Variants in BIRC6 observed in about 807,000 individuals in gnomAD.
BIRC6 encodes the protein baculoviral IAP repeat containing 6.
BIRC6 carries 98 observed loss-of-function variants against 503.3 expected under a neutral mutation model. The observed-to-expected ratio is 0.19, with a 90% CI of 0.17 to 0.23. The LOEUF (loss-of-function observed/expected upper bound fraction) is 0.23, where lower values mean the gene tolerates loss of function less well. Ranked by LOEUF, BIRC6 falls within the 10% of genes least tolerant of loss-of-function variation. The pLI, the probability that BIRC6 is intolerant of heterozygous loss-of-function variation, is 1.00. For missense variants in BIRC6, 5,360 were observed against 5,806.0 expected, an observed-to-expected ratio of 0.92 and a Z score of 2.50; for synonymous variants, 2,240 against 2,078.7, an observed-to-expected ratio of 1.08 and a Z score of -2.11.
chr2:32,433,711 T>A lies in BIRC6; in HGVS notation c.3316T>A (p.Phe1106Ile). The A allele has an allele frequency of 6.2e-7, 1 of 1,606,514 alleles. No homozygotes were observed. The highest frequency in any genetic ancestry group is 8.5e-7 in the Non-Finnish European group (1 of 1,174,604). ...PKACMVGHVD[F>I]KFVLNSNITN... ...AGCTTGTATGGTTGGACATGTGGAC[T>A]TCAAATTCGTTTTGAACTCAAACAT... Residue 1106 changes from phenylalanine to isoleucine, a missense_variant, in exon 13 of 74, where the codon TTC becomes ATC. Phe to Ile is a conservative substitution (Grantham distance 21). Around this residue, in one of 16 missense-constraint regions of BIRC6, gnomAD observed 2,299 missense variants for 2,267.2 expected, o/e 1.01. Transcript: ENST00000421745.
chr2:32,611,629 T>G (rs778907126), intron 73 of BIRC6, 47 bp downstream of exon 73: 3 of 1,479,962 alleles, frequency 2.0e-6, no homozygotes, highest in Non-Finnish European at 2.7e-6. Flanking sequence ...AAGAGTTGTG[T>G]AATTATTGAC....
chr2:32,549,844 A>G (rs2058313106), intron 65 of BIRC6, among the ~76,000 whole-genome samples: 1 of 152,232 alleles, frequency 6.6e-6, no homozygotes. Context: ...GTCAAACACT[A>G]TCGCAGACAA....
chr2:32,413,010 C>CT (rs377340755), intron 9 of BIRC6, among the ~76,000 whole-genome samples: 5,502 of 141,438 alleles, frequency 0.039, 105 homozygotes, highest in Middle Eastern at 0.067. Context: ...ATTGAAAAGA[C>CT]TTTTTTTTTT....
At chr2:32,409,634 T>C (rs556346886) in intron 9 of BIRC6, among the ~76,000 whole-genome samples, 121 of 152,212 alleles carry the variant, frequency 7.9e-4, no homozygotes, top group South Asian at 2.1e-3. Context: ...GAGAAGAATG[T>C]TTGGTAGGAA....
intron 12 of BIRC6, among the ~76,000 whole-genome samples, chr2:32,433,062 A>T (rs1252087108): frequency 1.3e-5 from 2 of 152,182 alleles, no homozygotes; most frequent in Non-Finnish European, 2.9e-5. Flanking sequence ...TGTATTGAAC[A>T]TATTGTGTGA....
chr2:32,507,900 C>T (rs1026331269), intron 50 of BIRC6, 80 bp from the exon 51 acceptor site: 2 of 1,319,068 alleles, frequency 1.5e-6, no homozygotes, highest in Non-Finnish European at 2.0e-6. Context: ...GTGAAAGCTG[C>T]TATTTTACTG....
rs748687525 is a variant in BIRC6, at chr2:32,468,141, T to C, written c.5780+30T>C. Reference sequence around the variant, plus strand: ...GTACAGAGTGCAAATTTTAATGTTATTGAAACTTTGTATTTTATATAATGT... The same window carrying C: ...GTACAGAGTGCAAATTTTAATGTTACTGAAACTTTGTATTTTATATAATGT... On this transcript the variant is annotated intron_variant, in intron 28 of 73. Coordinates refer to ENST00000421745, the MANE Select transcript of BIRC6 (RefSeq NM_016252.4). The C allele has an allele frequency of 2.5e-6, 4 of 1,585,654 alleles. No homozygotes were observed. In the South Asian group the frequency reaches 4.5e-5, roughly 18 times the overall value.
chr2:32,487,516 T>C (rs568373653), intron 40 of BIRC6, 131 bp from the exon 41 acceptor site: 69 of 682,590 alleles, frequency 1.0e-4, no homozygotes, highest in Non-Finnish European at 1.4e-4. Context: ...TACTAAATAT[T>C]GTTTTGAACC....
At chr2:32,379,095 A>G (rs1361409340) in intron 2 of BIRC6, 1 of 152,178 alleles carries the variant, frequency 6.6e-6, no homozygotes, top group African/African-American at 2.4e-5. Context: ...GTGTCATATA[A>G]CAGTAGTCTA....
chr2:32,484,632 C>T lies in BIRC6; in HGVS notation c.7697-1011C>T, dbSNP rs189813533. Among the ~76,000 whole-genome samples the T allele has an allele frequency of 2.5e-3, 372 of 151,790 alleles. 1 individual carries two copies. Among genetic ancestry groups the T allele is most frequent in the South Asian group, 0.017 (83 of 4,798 alleles). On this transcript the variant is annotated intron_variant, in intron 39 of 73. Coordinates refer to ENST00000421745, the MANE Select transcript of BIRC6 (RefSeq NM_016252.4). ...TCAGTTTTGAACGGACTCATGGTTG[C>T]CTTTTTTTATTCAGTGAATTATACC...
intron 66 of BIRC6, among the ~76,000 whole-genome samples, chr2:32,584,288 G>T (rs141222182): frequency 6.6e-6 from 1 of 152,020 alleles, no homozygotes; most frequent in African/African-American, 2.4e-5. Flanking sequence ...CCAGCCCTTC[G>T]GGAGGCCAAG....
At chr2:32,555,066 T>C (rs1331261905) in intron 65 of BIRC6, among the ~76,000 whole-genome samples, 1 of 152,216 alleles carries the variant, frequency 6.6e-6, no homozygotes, top group Non-Finnish European at 1.5e-5. Flanking sequence ...AAAAATACTT[T>C]ATTTTGTTGA....
intron 59 of BIRC6, among the ~76,000 whole-genome samples, chr2:32,526,301 G>A (rs984947748): frequency 1.3e-5 from 2 of 152,162 alleles, no homozygotes; most frequent in African/African-American, 4.8e-5. Flanking sequence ...TAACAAAACT[G>A]CAAATGTGCA....
intron 23 of BIRC6, among the ~76,000 whole-genome samples, chr2:32,458,631 C>T (rs897717029): frequency 7.3e-6 from 1 of 137,552 alleles, no homozygotes; most frequent in African/African-American, 2.7e-5. Flanking sequence ...ATATATGGGT[C>T]TGTTTCTGTT....
chr2:32,401,034 T>C (rs969077252), intron 6 of BIRC6, 129 bp from the exon 7 acceptor site: 2 of 735,008 alleles, frequency 2.7e-6, no homozygotes, highest in African/African-American at 1.8e-5. Context: ...GATTTGGTTA[T>C]ATTAAGTCTT....
At chr2:32,449,377 C>T (rs1208737342) in intron 22 of BIRC6, among the ~76,000 whole-genome samples, 4 of 152,152 alleles carry the variant, frequency 2.6e-5, no homozygotes, top group Non-Finnish European at 5.9e-5. Flanking sequence ...CTGTCACTTT[C>T]TTGAGGTAAG....
chr2:32,593,372 A>G (rs1359805786), intron 66 of BIRC6, among the ~76,000 whole-genome samples: 1 of 152,210 alleles, frequency 6.6e-6, no homozygotes, highest in East Asian at 1.9e-4. Flanking sequence ...TACATTTTAG[A>G]TCCTGATAGG....
At chr2:32,508,339 T>C in intron 51 of BIRC6, 80 bp downstream of exon 51, 1 of 1,425,330 alleles carries the variant, frequency 7.0e-7, no homozygotes, top group Non-Finnish European at 9.2e-7. Context: ...AATTATTTTG[T>C]GGGTTTTTTC....
intron 65 of BIRC6, among the ~76,000 whole-genome samples, chr2:32,553,546 C>T (rs547315808): frequency 2.6e-4 from 40 of 151,946 alleles, no homozygotes; most frequent in African/African-American, 9.4e-4. Context: ...CGCCACCCAC[C>T]CTGCTAATTT....
Sources: gnomAD v4.1 joint callset for allele counts (sites outside exome capture counted in the v4.1 genomes callset) on GRCh38, gnomAD v4.1.1 for gene constraint, gnomAD v4.1.1 regional missense constraint, MANE v1.5 for transcripts, NCBI Gene and HGNC (gene_info 2026-07-23, HGNC 2026-07-21) for gene names.